The following SCN8A variants were observed in gnomAD, a reference collection of about 807,000 sequenced individuals.
SCN8A encodes sodium voltage-gated channel alpha subunit 8, also known as sodium channel protein type 8 subunit alpha.
A neutral mutation model predicts 184.1 loss-of-function variants in SCN8A; 30 were observed. The ratio of observed to expected loss-of-function variants is 0.16; its 90% CI spans 0.12 to 0.22. The LOEUF (loss-of-function observed/expected upper bound fraction) is 0.22, where lower values mean the gene tolerates loss of function less well. Ranked by LOEUF, SCN8A falls within the 10% of genes least tolerant of loss-of-function variation. SCN8A has a pLI of 1.00. For missense variants in SCN8A, 1,057 were observed against 2,498.9 expected, an observed-to-expected ratio of 0.42 and a Z score of 12.30; for synonymous variants, 852 against 907.0, an observed-to-expected ratio of 0.94 and a Z score of 1.09.
intron 12 of SCN8A, among the ~76,000 whole-genome samples, chr12:51,723,698 T>G (rs1465769580): frequency 1.3e-5 from 2 of 151,990 alleles, no homozygotes; most frequent in African/African-American, 4.8e-5. Context: ...CAACATGGTT[T>G]GAAACCCATC....
intron 7 of SCN8A, among the ~76,000 whole-genome samples, chr12:51,700,263 G>A (rs1179208817): frequency 2.6e-5 from 4 of 151,706 alleles, no homozygotes; most frequent in African/African-American, 4.8e-5. Flanking sequence ...TCCTTTCCTC[G>A]ACGTAGGATT....
At chr12:51,776,316 G>T (rs1404561754) in intron 20 of SCN8A, among the ~76,000 whole-genome samples, 1 of 152,166 alleles carries the variant, frequency 6.6e-6, no homozygotes, top group Non-Finnish European at 1.5e-5. Flanking sequence ...GGTGGAAGGG[G>T]GTAAAGAGCA....
chr12:51,788,777 C>T (rs1938160948), intron 23 of SCN8A, 29 bp downstream of exon 23: 9 of 1,597,008 alleles, frequency 5.6e-6, no homozygotes, highest in Non-Finnish European at 7.7e-6. Flanking sequence ...AAAATACCAC[C>T]TTCTCAGATG....
chr12:51,627,405 C>T (rs139813420), intron 1 of SCN8A, among the ~76,000 whole-genome samples: 2 of 152,254 alleles, frequency 1.3e-5, no homozygotes, highest in Non-Finnish European at 2.9e-5. Context: ...CTCTTTGAGA[C>T]GCAGTCTTGC....
At chr12:51,592,866 T>G (rs1219247506) in intron 1 of SCN8A, among the ~76,000 whole-genome samples, 1 of 152,110 alleles carries the variant, frequency 6.6e-6, no homozygotes, top group Non-Finnish European at 1.5e-5. Context: ...GGTAGGTTTT[T>G]CACTGTCTCA....
chr12:51,767,478 A>G (rs1313545058), intron 16 of SCN8A, among the ~76,000 whole-genome samples: 2 of 152,146 alleles, frequency 1.3e-5, no homozygotes, highest in African/African-American at 2.4e-5. Flanking sequence ...TCTTAAATGC[A>G]TCTTTCTTCA....
intron 11 of SCN8A, among the ~76,000 whole-genome samples, chr12:51,715,657 C>CAAAAAAAAAAAAAAAAAA: frequency 1.4e-5 from 1 of 71,850 alleles, no homozygotes; most frequent in African/African-American, 5.3e-5. Flanking sequence ...GTCTCTGTCT[C>CAAAAAAAAAAAAAAAAAA]AAAAAAAAAA....
At position 51,706,664 on chromosome 12, in the gene SCN8A, CT is replaced by C; in HGVS notation, c.1587del (p.Arg530GlyfsTer7). 1 of 1,596,720 alleles carries C rather than the reference CT, an allele frequency of 6.3e-7. No individual in the cohort carries two copies. The highest frequency in any genetic ancestry group is 1.1e-5 in the South Asian group (1 of 87,070). ...ESEDGMRRKA[F>X]RLPDNRIGRK... ...CAGAAGATGGCATGAGAAGGAAGGCCTTTCGGCTGCCAGACAACAGAATAGG... is the reference window on the plus strand; with the variant it reads ...CAGAAGATGGCATGAGAAGGAAGGCCTTCGGCTGCCAGACAACAGAATAGG... On this transcript the variant is annotated frameshift_variant, in exon 11 of 27. Transcript: ENST00000627620. LOFTEE classifies it high-confidence loss of function.
chr12:51,632,543 T>C (rs1011764729), intron 1 of SCN8A, among the ~76,000 whole-genome samples: 2 of 152,188 alleles, frequency 1.3e-5, no homozygotes, highest in African/African-American at 4.8e-5. Flanking sequence ...TAAAATCTTT[T>C]CTACCTAGTC....
intron 14 of SCN8A, among the ~76,000 whole-genome samples, chr12:51,755,949 C>T (rs1426398592): frequency 6.6e-6 from 1 of 151,654 alleles, no homozygotes; most frequent in Non-Finnish European, 1.5e-5. Context: ...CTCTGGGTGC[C>T]CCCCACCCCT....
At position 51,810,332 on chromosome 12, in the gene SCN8A, T is replaced by C; in HGVS notation, c.*2903T>C. ...GCTCACTCACTCACTCTCTCACCCA[T>C]CCTGCTCCACACTTCTTTGGTAGTA... On this transcript the variant is annotated 3_prime_UTR_variant, in exon 27 of 27. Transcript: ENST00000627620. 1 of 377,604 alleles carries C rather than the reference T, an allele frequency of 2.6e-6. No homozygotes were observed. Among genetic ancestry groups the C allele is most frequent in the Non-Finnish European group, 5.4e-6 (1 of 185,122 alleles). The allele number at this position is 377,604 out of a possible 1,614,324, so 23.4% of individuals were successfully genotyped here. A position where few individuals can be genotyped will look rare whatever the true frequency, so the allele number is the denominator to read the frequency against.
intron 2 of SCN8A, among the ~76,000 whole-genome samples, 153 bp downstream of exon 2, chr12:51,663,246 A>G (rs569669433): frequency 6.6e-6 from 1 of 152,246 alleles, no homozygotes; most frequent in Non-Finnish European, 1.5e-5. Context: ...TTTCATTTTA[A>G]TTGCTACTAA....
chr12:51,724,261 C>A (rs1565900904), intron 12 of SCN8A, among the ~76,000 whole-genome samples: 1 of 152,136 alleles, frequency 6.6e-6, no homozygotes, highest in Non-Finnish European at 1.5e-5. Context: ...GGCTGGCCAA[C>A]ATGGCAAAAC....
intron 21 of SCN8A, among the ~76,000 whole-genome samples, chr12:51,782,704 CA>C (rs1937960777): frequency 6.6e-6 from 1 of 152,214 alleles, no homozygotes; most frequent in Admixed American, 6.5e-5. Context: ...CAGACAGAAG[CA>C]GTCCTCATGG....
intron 1 of SCN8A, among the ~76,000 whole-genome samples, chr12:51,626,430 A>T (rs775148766): frequency 6.6e-6 from 1 of 152,208 alleles, no homozygotes; most frequent in Non-Finnish European, 1.5e-5. Flanking sequence ...CTCCGTACCT[A>T]CCAGTTGAAT....
At chr12:51,791,421 C>T (rs1938249367) in intron 25 of SCN8A, among the ~76,000 whole-genome samples, 1 of 152,088 alleles carries the variant, frequency 6.6e-6, no homozygotes, top group Admixed American at 6.6e-5. Flanking sequence ...AGATTGAAAA[C>T]CACCAAGTTA....
At chr12:51,787,457 G>C (rs1227468586) in intron 22 of SCN8A, among the ~76,000 whole-genome samples, 1 of 152,160 alleles carries the variant, frequency 6.6e-6, no homozygotes, top group African/African-American at 2.4e-5. Flanking sequence ...AAGCTCGTAG[G>C]CTTTGAAATT....
chr12:51,653,540 G>A (rs771070618), intron 1 of SCN8A, among the ~76,000 whole-genome samples: 3 of 152,096 alleles, frequency 2.0e-5, no homozygotes, highest in Non-Finnish European at 4.4e-5. Flanking sequence ...ATTTCATTAT[G>A]TGTATATTTC....
intron 19 of SCN8A, among the ~76,000 whole-genome samples, chr12:51,772,670 T>C (rs1023881981): frequency 1.3e-4 from 20 of 150,486 alleles, no homozygotes; most frequent in Non-Finnish European, 1.6e-4. Flanking sequence ...ATGACCCCTG[T>C]CCCCCCCACT....
Sources: allele counts gnomAD v4.1 joint callset (sites outside exome capture counted in the v4.1 genomes callset), GRCh38; gene constraint gnomAD v4.1.1; transcripts MANE v1.5; gene names NCBI Gene and HGNC (gene_info 2026-07-23, HGNC 2026-07-21).